OR52K1: variants seen among roughly 807,000 people sequenced by gnomAD.
The protein encoded by OR52K1 is olfactory receptor 52K1.
In OR52K1, 10 loss-of-function variants were observed where a neutral mutation model predicts 8.7. The ratio of observed to expected loss-of-function variants is 1.15; its 90% CI spans 0.71 to 1.95. The LOEUF is 1.95. Ranked by LOEUF, OR52K1 falls within the 30% of genes most tolerant of loss-of-function variation. The pLI, the probability that OR52K1 is intolerant of heterozygous loss-of-function variation, is 0.00. For synonymous variants in OR52K1, 203 were observed against 148.5 expected, an observed-to-expected ratio of 1.37 and a Z score of -2.67; for missense variants, 431 against 397.2, an observed-to-expected ratio of 1.08 and a Z score of -0.72.
chr11:4,492,084 G>T lies in OR52K1; in HGVS notation c.*2239G>T, dbSNP rs564706402. ...AGCCATCAAAAAGAAATAAGATCACGTCCTTTGTGGGAACATGGATGGAGC... is the reference window on the plus strand; with the variant it reads ...AGCCATCAAAAAGAAATAAGATCACTTCCTTTGTGGGAACATGGATGGAGC... On this transcript the variant is annotated 3_prime_UTR_variant, in exon 2 of 2. Coordinates refer to ENST00000641528, the MANE Select transcript of OR52K1 (RefSeq NM_001005171.3). The T allele has an allele frequency of 6.6e-6, 1 of 152,010 alleles. No individual in the cohort carries two copies. The highest frequency in any genetic ancestry group is 1.9e-4 in the East Asian group (1 of 5,146). 9.4% of individuals were successfully genotyped at this position (152,010 alleles called of 1,614,324 possible). A position where few individuals can be genotyped will look rare whatever the true frequency, so the allele number is the denominator to read the frequency against.
rs1589810092 is a variant in OR52K1, at chr11:4,488,630, A to T, written c.-271A>T. On this transcript the variant is annotated 5_prime_UTR_variant, in exon 2 of 2. The change creates a premature stop within an existing upstream ORF in the 5' untranslated region. Coordinates refer to ENST00000641528, the MANE Select transcript of OR52K1 (RefSeq NM_001005171.3). ...ACTACATATACTCCATTCCTTTATGAAAGTTGTCTTAGAATATTAAATATC... is the reference window on the plus strand; with the variant it reads ...ACTACATATACTCCATTCCTTTATGTAAGTTGTCTTAGAATATTAAATATC... 1 of 419,014 alleles carries T rather than the reference A, an allele frequency of 2.4e-6. No individual in the cohort carries two copies. Among genetic ancestry groups the T allele is most frequent in the African/African-American group, 2.0e-5 (1 of 49,310 alleles). 26.0% of individuals were successfully genotyped at this position (419,014 alleles called of 1,614,324 possible).
In OR52K1 at chr11:4,489,856, C is replaced by T. The variant is rs1184933962; in HGVS notation, c.*11C>T. 1.9e-6 allele frequency: 3 copies of T among 1,546,612 alleles called. No individual in the cohort carries two copies. The East Asian group carries it at 6.8e-5, about 35-fold the overall frequency. ...AGAAAGAACATGTAGATGGATAGTT[C>T]TCTTTTTTTATCCCACTTGCCAAGT... On this transcript the variant is annotated 3_prime_UTR_variant, in exon 2 of 2. Coordinates refer to ENST00000641528, the MANE Select transcript of OR52K1 (RefSeq NM_001005171.3).
intron 1 of OR52K1, among the ~76,000 whole-genome samples, chr11:4,487,861 T>A (rs1846332892): frequency 6.6e-6 from 1 of 152,168 alleles, no homozygotes; most frequent in Non-Finnish European, 1.5e-5. Flanking sequence ...ATATATTTTA[T>A]AATTTTATAA....
chr11:4,490,012 C>A lies in OR52K1; in HGVS notation c.*167C>A. On this transcript the variant is annotated 3_prime_UTR_variant, in exon 2 of 2. Transcript: ENST00000641528. ...CACAGATCTACGAGTCAGGTCAAACCAGGAGTGCACCTATAGTCTGGTCTG... is the reference window on the plus strand; with the variant it reads ...CACAGATCTACGAGTCAGGTCAAACAAGGAGTGCACCTATAGTCTGGTCTG... 1.6e-6 allele frequency: 1 copy of A among 614,304 alleles called. No homozygotes were observed. The highest frequency in any genetic ancestry group is 2.9e-6 in the Non-Finnish European group (1 of 349,988). 38.1% of individuals were successfully genotyped at this position (614,304 alleles called of 1,614,324 possible).
intron 1 of OR52K1, among the ~76,000 whole-genome samples, chr11:4,484,013 G>A (rs1269441215): frequency 6.6e-6 from 1 of 152,190 alleles, no homozygotes; most frequent in Non-Finnish European, 1.5e-5. Context: ...CATTCTGGAT[G>A]CATTTTAAAT....
chr11:4,492,809 T>C lies in OR52K1; in HGVS notation c.*2964T>C, dbSNP rs1446920741. On this transcript the variant is annotated 3_prime_UTR_variant, in exon 2 of 2. Coordinates refer to ENST00000641528, the MANE Select transcript of OR52K1 (RefSeq NM_001005171.3). ...GTGCAGAGATGAGAGATCATAGAAA[T>C]AAAGACAAAAGATAAAGAGAAGAAA... 4 of 171,660 alleles carry C rather than the reference T, an allele frequency of 2.3e-5. No homozygotes were observed. The highest frequency in any genetic ancestry group is 1.3e-4 in the Admixed American group (2 of 15,518). 10.6% of individuals were successfully genotyped at this position (171,660 alleles called of 1,614,324 possible).
intron 1 of OR52K1, among the ~76,000 whole-genome samples, chr11:4,483,624 C>T (rs1283936804): frequency 6.6e-6 from 1 of 151,882 alleles, no homozygotes; most frequent in Non-Finnish European, 1.5e-5. Context: ...GAAGAGATGC[C>T]TTTTTTTCTT....
In OR52K1 at chr11:4,489,961, G is replaced by A. The variant is rs1185540338; in HGVS notation, c.*116G>A. On this transcript the variant is annotated 3_prime_UTR_variant, in exon 2 of 2. Transcript: ENST00000641528. ...AGTATCTTTGACAATTCTCTAGTAT[G>A]ATAAGGAAAATGAGGTTTCATTCCT... is the stretch of plus-strand genomic sequence containing the variant. The A allele has an allele frequency of 6.6e-6, 5 of 755,556 alleles. No individual in the cohort carries two copies. The African/African-American group carries it at 8.8e-5, about 13-fold the overall frequency. 46.8% of individuals were successfully genotyped at this position (755,556 alleles called of 1,614,324 possible). A position where few individuals can be genotyped will look rare whatever the true frequency, so the allele number is the denominator to read the frequency against.
chr11:4,483,771 G>A (rs1334383992), intron 1 of OR52K1, among the ~76,000 whole-genome samples: 1 of 151,518 alleles, frequency 6.6e-6, no homozygotes, highest in Non-Finnish European at 1.5e-5. Flanking sequence ...AGGTAAAGAT[G>A]CAGCAGGTTT....
Position 4,489,617 on chromosome 11 carries a change from A to G in OR52K1, c.717A>G (p.Ala239=). The change falls in exon 2 of 2, where the codon GCA becomes GCG. Residue 239 remains alanine (A), a synonymous_variant. Coordinates refer to ENST00000641528, the MANE Select transcript of OR52K1 (RefSeq NM_001005171.3). ...CCTCTCAGGAGGCCCGCTACAAGGC[A>G]TTTGGGACATGTGTGTCTCACATAG... ...QLASQEARYK[A]FGTCVSHIGA... 1.2e-6 allele frequency: 2 copies of G among 1,614,138 alleles called. No homozygotes were observed.
At position 4,483,121 on chromosome 11, in the gene OR52K1, C is replaced by T. The variant is rs1273234117; in HGVS notation, c.-384C>T. 1 of 398,416 alleles carries T rather than the reference C, an allele frequency of 2.5e-6. No homozygotes were observed. Among genetic ancestry groups the T allele is most frequent in the African/African-American group, 2.1e-5 (1 of 48,606 alleles). The allele number at this position is 398,416 out of a possible 1,614,324, so 24.7% of individuals were successfully genotyped here. A position where few individuals can be genotyped will look rare whatever the true frequency, so the allele number is the denominator to read the frequency against. Reference sequence around the variant, plus strand: ...ATGCCCCATCCCAGTTAAAGGGCTTCTGCATTAGTCAAGAGGAAGAAAACG... The same window carrying T: ...ATGCCCCATCCCAGTTAAAGGGCTTTTGCATTAGTCAAGAGGAAGAAAACG... On this transcript the variant is annotated 5_prime_UTR_variant, in exon 1 of 2. Transcript: ENST00000641528.
rs1228220524 is a variant in OR52K1, at chr11:4,489,759, C to A, written c.859C>A (p.Pro287Thr). The A allele has an allele frequency of 6.2e-7, 1 of 1,614,152 alleles. No individual in the cohort carries two copies. Among genetic ancestry groups the A allele is most frequent in the Admixed American group, 1.7e-5 (1 of 60,026 alleles). Residue 287 changes from proline (P) to threonine (T), a missense_variant, in exon 2 of 2, where the codon CCC (proline) becomes ACC (threonine). Pro to Thr is a conservative substitution (Grantham distance 38). Transcript: ENST00000641528. ...LLAIFYLLFP[P>T]MVNPIIYGVK... ...TGCTATTTTCTATCTCCTTTTCCCA[C>A]CCATGGTCAATCCTATCATATATGG... is the stretch of plus-strand genomic sequence containing the variant.
rs879259921 is a variant in OR52K1, at chr11:4,482,894, TTCAA to T, written c.-609_-606del. The T allele has an allele frequency of 2.7e-6, 1 of 368,738 alleles. No individual in the cohort carries two copies. Among genetic ancestry groups the T allele is most frequent in the African/African-American group, 2.1e-5 (1 of 47,960 alleles). The allele number at this position is 368,738 out of a possible 1,614,324, so 22.8% of individuals were successfully genotyped here. A position where few individuals can be genotyped will look rare whatever the true frequency, so the allele number is the denominator to read the frequency against. ...CCTGTTATTGCTTCTACTCTGGTCC[TTCAA>T]TAGAGGGAACAGAAGTCTCGATAGT... On this transcript the variant is annotated 5_prime_UTR_variant, in exon 1 of 2. Transcript: ENST00000641528.
Position 4,489,171 on chromosome 11 carries a change from G to A in OR52K1, c.271G>A (p.Asp91Asn). 1.2e-6 allele frequency: 2 copies of A among 1,614,194 alleles called. No individual in the cohort carries two copies. The highest frequency in any genetic ancestry group is 1.7e-5 in the Admixed American group (1 of 60,022). Residue 91 changes from aspartate (D) to asparagine (N), a missense_variant, in exon 2 of 2, where the codon GAT becomes AAT. Physicochemically the swap from Asp to Asn is conservative, Grantham distance 23 (BLOSUM62 1). Coordinates refer to ENST00000641528, the MANE Select transcript of OR52K1 (RefSeq NM_001005171.3). ...AATGCTTGCCATATTCTGGTTCAGG[G>A]ATCAGGAGATCAACTTCTTTGCCTG... ...PKMLAIFWFR[D>N]QEINFFACLV...
Position 4,489,325 on chromosome 11 carries a change from T to C in OR52K1, c.425T>C (p.Leu142Pro). 6.2e-7 allele frequency: 1 copy of C among 1,614,160 alleles called. No individual in the cohort carries two copies. Among genetic ancestry groups the C allele is most frequent in the Non-Finnish European group, 8.5e-7 (1 of 1,180,034 alleles). The change falls in exon 2 of 2, where the codon CTC (leucine) becomes CCC (proline). Residue 142 changes from leucine to proline, a missense_variant. Transcript: ENST00000641528. The part of the protein sequence containing the change: ...LHYTTVLTGS[L>P]ITKIGMAAVA... ...TACACGACGGTCCTGACTGGGTCCC[T>C]CATCACCAAGATTGGCATGGCTGCT...
chr11:4,487,871 AC>A (rs1846332999), intron 1 of OR52K1, among the ~76,000 whole-genome samples: 1 of 152,144 alleles, frequency 6.6e-6, no homozygotes. Flanking sequence ...TAATTTTATA[AC>A]AGTCTTGGTA....
Position 4,489,718 on chromosome 11 carries a change from G to A in OR52K1, c.818G>A (p.Arg273His), listed in dbSNP as rs536130320. The change falls in exon 2 of 2, where the codon CGT becomes CAT. Residue 273 changes from arginine (R) to histidine (H), a missense_variant. Transcript: ENST00000641528. ...CGTGTAGCCCGCCATGCTGCCCCTC[G>A]TGTCCACATACTCCTTGCTATTTTC... ...MHRVARHAAP[R>H]VHILLAIFYL... 112 of 1,614,118 alleles carry A rather than the reference G, an allele frequency of 6.9e-5. 2 individuals carry two copies. The South Asian group carries it at 7.5e-4, about 11-fold the overall frequency.
At chr11:4,484,857 C>A (rs906737648) in intron 1 of OR52K1, among the ~76,000 whole-genome samples, 3 of 151,858 alleles carry the variant, frequency 2.0e-5, no homozygotes, top group African/African-American at 7.3e-5. Flanking sequence ...CACACACACA[C>A]ACACACACAC....
rs1389377015 is a variant in OR52K1, at chr11:4,493,263, C to CA, written c.*3420dup. The CA allele has an allele frequency of 6.6e-6, 1 of 152,148 alleles. No individual in the cohort carries two copies. Among genetic ancestry groups the CA allele is most frequent in the Non-Finnish European group, 1.5e-5 (1 of 68,034 alleles). 9.4% of individuals were successfully genotyped at this position (152,148 alleles called of 1,614,324 possible). A position where few individuals can be genotyped will look rare whatever the true frequency, so the allele number is the denominator to read the frequency against. On this transcript the variant is annotated 3_prime_UTR_variant, in exon 2 of 2. Coordinates refer to ENST00000641528, the MANE Select transcript of OR52K1 (RefSeq NM_001005171.3). Reference sequence around the variant, plus strand: ...GGCCTGACTAATGTCAGGCCTTCCACAAGAGGTGGTGAAACAGAGTCTTCT... The same window carrying CA: ...GGCCTGACTAATGTCAGGCCTTCCACAAAGAGGTGGTGAAACAGAGTCTTCT...
Sources: gnomAD v4.1 joint callset for allele counts (sites outside exome capture counted in the v4.1 genomes callset) on GRCh38, gnomAD v4.1.1 for gene constraint, MANE v1.5 for transcripts, NCBI Gene and HGNC (gene_info 2026-07-23, HGNC 2026-07-21) for gene names.